The following MRAP2 variants were observed in gnomAD, a reference collection of about 807,000 sequenced individuals.
MRAP2 encodes the protein melanocortin 2 receptor accessory protein 2, also known as melanocortin-2 receptor accessory protein 2.
MRAP2 carries 20 observed loss-of-function variants against 17.4 expected under a neutral mutation model. The observed-to-expected ratio is 1.15, with a 90% CI of 0.81 to 1.67. The LOEUF (loss-of-function observed/expected upper bound fraction) is 1.67, where lower values mean the gene tolerates loss of function less well. MRAP2 is among the 40% of genes most tolerant of loss of function. The pLI, the probability that MRAP2 is intolerant of heterozygous loss-of-function variation, is 0.00. For synonymous variants in MRAP2, 96 were observed against 88.4 expected (o/e 1.09, Z -0.48); for missense variants, 238 against 240.0 (o/e 0.99, Z 0.05).
At chr6:84,088,886 T>C (rs981819645) in intron 3 of MRAP2, among the ~76,000 whole-genome samples, 5 of 152,200 alleles carry the variant, frequency 3.3e-5, no homozygotes, top group African/African-American at 1.2e-4. Context: ...GGCCCTCATC[T>C]TGAAGCCTTT....
At chr6:84,036,177 T>C (rs977886825) in intron 1 of MRAP2, among the ~76,000 whole-genome samples, 4 of 151,902 alleles carry the variant, frequency 2.6e-5, no homozygotes. Context: ...CTAAATGAAA[T>C]ATCAAGGTAG....
chr6:84,121,617 C>T, the MRAP2 span, among the ~76,000 whole-genome samples: 1 of 152,126 alleles, frequency 6.6e-6, no homozygotes, highest in Admixed American at 6.6e-5. Flanking sequence ...GCATTGTGGC[C>T]TGGGTGACGG....
the MRAP2 span, chr6:84,125,149 T>C: frequency 7.4e-6 from 12 of 1,613,418 alleles, no homozygotes; most frequent in Non-Finnish European, 1.0e-5. Flanking sequence ...TCGGAGAACA[T>C]CTAATATTGA....
At position 84,055,420 on chromosome 6, in the gene MRAP2, C is replaced by T. The variant is rs749015892; in HGVS notation, c.102C>T (p.Ser34=). Residue 34 remains serine (S), a synonymous_variant, in exon 2 of 4, where the codon TCC becomes TCT. Coordinates refer to ENST00000257776, the MANE Select transcript of MRAP2 (RefSeq NM_138409.4). ...EYEYYEIGPV[S]FEGLKAHKYS... Reference sequence around the variant, plus strand: ...AATATTATGAGATTGGACCAGTTTCCTTTGAAGGACTGAAGGCTCATAAAT... The same window carrying T: ...AATATTATGAGATTGGACCAGTTTCTTTTGAAGGACTGAAGGCTCATAAAT... 6.2e-7 allele frequency: 1 copy of T among 1,612,376 alleles called. No individual in the cohort carries two copies. Among genetic ancestry groups the T allele is most frequent in the South Asian group, 1.1e-5 (1 of 90,552 alleles).
the MRAP2 span, among the ~76,000 whole-genome samples, chr6:84,135,491 A>G: frequency 1.3e-5 from 2 of 150,758 alleles, no homozygotes; most frequent in East Asian, 3.9e-4. Flanking sequence ...TTGTTCTCTT[A>G]CTTGTTGGTG....
At chr6:84,126,371 A>G in the MRAP2 span, 1 of 1,578,762 alleles carries the variant, frequency 6.3e-7, no homozygotes, top group Non-Finnish European at 8.6e-7. Context: ...AATGTGATTT[A>G]CTTTACCTGT....
intron 1 of MRAP2, among the ~76,000 whole-genome samples, chr6:84,050,532 GT>G (rs1251814400): frequency 6.6e-6 from 1 of 152,190 alleles, no homozygotes; most frequent in Non-Finnish European, 1.5e-5. Context: ...AGCTTCTAAA[GT>G]TGCGATTCTG....
chr6:84,103,685 TCTC>T, the MRAP2 span, among the ~76,000 whole-genome samples: 1 of 152,186 alleles, frequency 6.6e-6, no homozygotes, highest in East Asian at 1.9e-4. Context: ...TCCAGACTTT[TCTC>T]CAAGAAGTTT....
At chr6:84,041,551 G>T (rs1207181576) in intron 1 of MRAP2, among the ~76,000 whole-genome samples, 1 of 152,252 alleles carries the variant, frequency 6.6e-6, no homozygotes, top group Non-Finnish European at 1.5e-5. Flanking sequence ...CCAGGAGGGG[G>T]CTGTACCCTA....
At chr6:84,114,864 TC>T in the MRAP2 span, among the ~76,000 whole-genome samples, 2 of 152,176 alleles carry the variant, frequency 1.3e-5, no homozygotes, top group Non-Finnish European at 2.9e-5. Flanking sequence ...TTGTTGGACA[TC>T]CACTGCAGAC....
At chr6:84,100,552 C>T in the MRAP2 span, among the ~76,000 whole-genome samples, 3 of 152,242 alleles carry the variant, frequency 2.0e-5, no homozygotes, top group South Asian at 6.2e-4. Context: ...CAGGTGTGAG[C>T]CAACATGCCT....
rs574210321 is a variant in MRAP2, at chr6:84,078,260, G to A, written c.228-10831G>A. ...ATAACTGACAAAGAACTCATATTCCGCATATATTATAAAACTTCCACAAGT... is the reference window on the plus strand; with the variant it reads ...ATAACTGACAAAGAACTCATATTCCACATATATTATAAAACTTCCACAAGT... On this transcript the variant is annotated intron_variant, in intron 3 of 3. Transcript: ENST00000257776. 5.9e-5 allele frequency among the ~76,000 whole-genome samples: 9 copies of A among 152,170 alleles called. 1 individual carries two copies. Among genetic ancestry groups the A allele is most frequent in the East Asian group, 1.9e-4 (1 of 5,180 alleles).
intron 2 of MRAP2, among the ~76,000 whole-genome samples, chr6:84,060,398 A>G (rs1031935498): frequency 3.3e-5 from 5 of 152,212 alleles, no homozygotes; most frequent in Non-Finnish European, 5.9e-5. Context: ...TCTGGGAGTC[A>G]GTCCACCATT....
chr6:84,045,499 A>G (rs959265588), intron 1 of MRAP2, among the ~76,000 whole-genome samples: 3 of 152,086 alleles, frequency 2.0e-5, no homozygotes, highest in African/African-American at 7.2e-5. Flanking sequence ...ACAGTGGCTT[A>G]CACCTGTGAT....
the MRAP2 span, among the ~76,000 whole-genome samples, chr6:84,125,556 A>G: frequency 6.6e-6 from 1 of 152,166 alleles, no homozygotes; most frequent in Admixed American, 6.6e-5. Context: ...AAATGAGATC[A>G]TAAGGGTGGG....
intron 1 of MRAP2, among the ~76,000 whole-genome samples, chr6:84,047,351 C>A (rs1045743407): frequency 6.6e-6 from 1 of 151,580 alleles, no homozygotes; most frequent in African/African-American, 2.4e-5. Flanking sequence ...CCACCATGCC[C>A]AGCTAATTTT....
At chr6:84,066,784 G>C (rs781053103) in intron 3 of MRAP2, among the ~76,000 whole-genome samples, 1 of 152,108 alleles carries the variant, frequency 6.6e-6, no homozygotes, top group Non-Finnish European at 1.5e-5. Flanking sequence ...AAGTCTCTTC[G>C]GTGCTGAAGT....
At chr6:84,101,949 ATTAAAGAG>A in the MRAP2 span, among the ~76,000 whole-genome samples, 1 of 152,206 alleles carries the variant, frequency 6.6e-6, no homozygotes, top group African/African-American at 2.4e-5. Flanking sequence ...ATCCCAGGGA[ATTAAAGAG>A]TTGAACACAC....
intron 1 of MRAP2, among the ~76,000 whole-genome samples, chr6:84,050,756 AG>A (rs1217645573): frequency 1.3e-5 from 2 of 152,174 alleles, no homozygotes; most frequent in Non-Finnish European, 2.9e-5. Context: ...GCCAGATCAG[AG>A]GTTGGTGGTC....
Sources: allele counts gnomAD v4.1 joint callset (sites outside exome capture counted in the v4.1 genomes callset), GRCh38; gene constraint gnomAD v4.1.1; transcripts MANE v1.5; gene names NCBI Gene and HGNC (gene_info 2026-07-23, HGNC 2026-07-21).